Variants in PPIA observed in about 807,000 individuals in gnomAD.
The protein encoded by PPIA is peptidylprolyl isomerase A.
A neutral mutation model predicts 15.3 loss-of-function variants in PPIA; 2 were observed. That is an observed-to-expected ratio of 0.13 (90% confidence interval 0.05 to 0.41). The LOEUF (loss-of-function observed/expected upper bound fraction) is 0.41. Ranked by LOEUF, PPIA falls within the 10% of genes least tolerant of loss-of-function variation. The pLI, the probability that PPIA is intolerant of heterozygous loss-of-function variation, is 0.99. For synonymous variants in PPIA, 67 were observed against 73.1 expected (o/e 0.92, Z 0.43); for missense variants, 103 against 210.3 (o/e 0.49, Z 3.16).
chr7:44,800,493 C>T (rs935588401), intron 4 of PPIA: 9 of 153,832 alleles, frequency 5.9e-5, no homozygotes, highest in Middle Eastern at 1.8e-3. Context: ...AACCTCCTCC[C>T]GGGTTCAAGC....
rs1486842236 is a variant in PPIA, at chr7:44,802,724, G to A, written c.*1302G>A. ...GGTTTTGCAAACCTGACCAATTTAA[G>A]CCATAAGATCTGGTCAAAGGGATAC... On this transcript the variant is annotated 3_prime_UTR_variant, in exon 5 of 5. Transcript: ENST00000468812. 2 of 152,152 alleles carry A rather than the reference G, an allele frequency of 1.3e-5. No homozygotes were observed. Among genetic ancestry groups the A allele is most frequent in the East Asian group, 3.8e-4 (2 of 5,204 alleles). 9.4% of individuals were successfully genotyped at this position (152,152 alleles called of 1,614,324 possible).
intron 4 of PPIA, among the ~76,000 whole-genome samples, chr7:44,800,708 G>T (rs1792526080): frequency 6.6e-6 from 1 of 151,910 alleles, no homozygotes; most frequent in Non-Finnish European, 1.5e-5. Flanking sequence ...CCAATTAAGT[G>T]CTGCTTTTAT....
At position 44,796,696 on chromosome 7, in the gene PPIA, C is replaced by T. The variant is rs553159589; in HGVS notation, c.-29C>T. 7.5e-6 allele frequency: 12 copies of T among 1,607,190 alleles called. No individual in the cohort carries two copies. The highest frequency in any genetic ancestry group is 1.3e-5 in the African/African-American group (1 of 74,458). ...GGCTCGTGCCGTTTTGCAGACGCCA[C>T]CGCCGAGGAAAACCGTGTACTATTA... On this transcript the variant is annotated 5_prime_UTR_variant, in exon 1 of 5. Coordinates refer to ENST00000468812, the MANE Select transcript of PPIA (RefSeq NM_021130.5).
rs747585650 is a variant in PPIA at position 44,801,270 on chromosome 7, T to C, written c.363-17T>C. ...GTTTGTGGTTGCCAGTCATAGTGAT[T>C]GTTCTTCCTTTTCAAGGTTGGATGG... On this transcript the variant is annotated splice_polypyrimidine_tract_variant and intron_variant, in intron 4 of 4. Transcript: ENST00000468812. 1.2e-6 allele frequency: 2 copies of C among 1,612,504 alleles called. No homozygotes were observed. The highest frequency in any genetic ancestry group is 1.7e-6 in the Non-Finnish European group (2 of 1,179,412).
In PPIA at chr7:44,796,735, C is replaced by T; in HGVS notation, c.11C>T (p.Pro4Leu). 6.2e-7 allele frequency: 1 copy of T among 1,610,558 alleles called. No homozygotes were observed. Among genetic ancestry groups the T allele is most frequent in the Non-Finnish European group, 8.5e-7 (1 of 1,178,938 alleles). MVN[P>L]TVFFDIAVDG... Reference sequence around the variant, plus strand: ...CGTGTACTATTAGCCATGGTCAACCCCACCGTGTTCTTCGACATTGCCGTC... The same window carrying T: ...CGTGTACTATTAGCCATGGTCAACCTCACCGTGTTCTTCGACATTGCCGTC... Residue 4 changes from proline (P) to leucine (L), a missense_variant, in exon 1 of 5, where the codon CCC (proline) becomes CTC (leucine). Pro to Leu is a moderately conservative substitution (Grantham distance 98). Coordinates refer to ENST00000468812, the MANE Select transcript of PPIA (RefSeq NM_021130.5).
At position 44,802,851 on chromosome 7, in the gene PPIA, CACCTTAACAG is replaced by C. The variant is rs1792607718; in HGVS notation, c.*1434_*1443del. 1 of 152,196 alleles carries C rather than the reference CACCTTAACAG, an allele frequency of 6.6e-6. No individual in the cohort carries two copies. The highest frequency in any genetic ancestry group is 2.4e-5 in the African/African-American group (1 of 41,460). The allele number at this position is 152,196 out of a possible 1,614,324, so 9.4% of individuals were successfully genotyped here. On this transcript the variant is annotated 3_prime_UTR_variant, in exon 5 of 5. Coordinates refer to ENST00000468812, the MANE Select transcript of PPIA (RefSeq NM_021130.5). Reference sequence around the variant, plus strand: ...AAGCTGAGAAAACCCCTTCTCTGCCCACCTTAACAGACCTCTAGGGTTCTTAACCCAGCAA... The same window carrying C: ...AAGCTGAGAAAACCCCTTCTCTGCCCACCTCTAGGGTTCTTAACCCAGCAA...
chr7:44,798,632 T>G (rs1792454371), intron 1 of PPIA: 1 of 626,516 alleles, frequency 1.6e-6, no homozygotes, highest in South Asian at 7.1e-5. Flanking sequence ...ATGAAAGGGC[T>G]TGTAAATGTT....
chr7:44,799,984 T>A (rs1792497386), intron 4 of PPIA, 110 bp downstream of exon 4: 2 of 1,119,816 alleles, frequency 1.8e-6, no homozygotes, highest in Middle Eastern at 2.2e-4. Context: ...GACTTTTTCA[T>A]CCCTAAGATA....
chr7:44,799,931 G>C, intron 4 of PPIA, 57 bp downstream of exon 4: 1 of 1,550,788 alleles, frequency 6.4e-7, no homozygotes. Flanking sequence ...TGCCCTGGGG[G>C]GAACGGAACA....
intron 3 of PPIA, 65 bp from the exon 4 acceptor site, chr7:44,799,637 C>G (rs1792486040): frequency 6.2e-7 from 1 of 1,604,162 alleles, no homozygotes; most frequent in Non-Finnish European, 8.5e-7. Flanking sequence ...AAGTTTGAAC[C>G]TTGCAGATTT....
rs1478425353 is a variant in PPIA at position 44,796,702 on chromosome 7, A to G, written c.-23A>G. 2 of 1,608,998 alleles carry G rather than the reference A, an allele frequency of 1.2e-6. No individual in the cohort carries two copies. Among genetic ancestry groups the G allele is most frequent in the African/African-American group, 1.3e-5 (1 of 74,510 alleles). On this transcript the variant is annotated 5_prime_UTR_variant, in exon 1 of 5. Transcript: ENST00000468812. ...TGCCGTTTTGCAGACGCCACCGCCG[A>G]GGAAAACCGTGTACTATTAGCCATG...
At chr7:44,799,095 T>A in intron 1 of PPIA, 152 bp from the exon 2 acceptor site, 1 of 1,113,904 alleles carries the variant, frequency 9.0e-7, no homozygotes, top group Non-Finnish European at 1.2e-6. Context: ...TGCAGGGCCT[T>A]ATGGCTGTCA....
rs149284746 is a variant in PPIA, at chr7:44,800,144, A to G, written c.362+270A>G. 1,199 of 455,572 alleles carry G rather than the reference A, an allele frequency of 2.6e-3. 25 individuals carry two copies. In the East Asian group the frequency reaches 0.04, roughly 15 times the overall value. The allele number at this position is 455,572 out of a possible 1,614,324, so 28.2% of individuals were successfully genotyped here. A position where few individuals can be genotyped will look rare whatever the true frequency, so the allele number is the denominator to read the frequency against. ...TTGCTCTGTTGCCAGGTTGGAGTGC[A>G]GTGGCACAATCTGGGCTCACTGCAA... On this transcript the variant is annotated intron_variant, in intron 4 of 4. Transcript: ENST00000468812.
chr7:44,798,923 TG>T (rs976844550), intron 1 of PPIA: 8 of 1,089,774 alleles, frequency 7.3e-6, no homozygotes, highest in Non-Finnish European at 8.9e-6. Flanking sequence ...TAGCTCAAGT[TG>T]GGGGGTGGTG....
chr7:44,801,551 T>G lies in PPIA; in HGVS notation c.*129T>G. ...TCGCTGCAGTTCCCTTTGGGTTCCA[T>G]GTTTTCCTTGTTCCCTCCCATGCCT... On this transcript the variant is annotated 3_prime_UTR_variant, in exon 5 of 5. Transcript: ENST00000468812. 1 of 603,934 alleles carries G rather than the reference T, an allele frequency of 1.7e-6. No individual in the cohort carries two copies. The highest frequency in any genetic ancestry group is 2.9e-6 in the Non-Finnish European group (1 of 345,712). The allele number at this position is 603,934 out of a possible 1,614,324, so 37.4% of individuals were successfully genotyped here.
chr7:44,798,913 T>C lies in PPIA; in HGVS notation c.70-334T>C, dbSNP rs112944308. 1.4e-4 allele frequency: 149 copies of C among 1,079,906 alleles called. 1 individual carries two copies. The African/African-American group carries it at 2.0e-3, about 14-fold the overall frequency. The allele number at this position is 1,079,906 out of a possible 1,614,324, so 66.9% of individuals were successfully genotyped here. ...CCTTAGAATTTTGCCTTGTAAGTTC[T>C]AGCTCAAGTTGGGGGGTGGTGATAG... On this transcript the variant is annotated intron_variant, in intron 1 of 4. Coordinates refer to ENST00000468812, the MANE Select transcript of PPIA (RefSeq NM_021130.5).
rs1248008524 is a variant in PPIA, at chr7:44,802,934, T to G, written c.*1512T>G. ...TGGCGGATTTGATCATTTGGTGTGT[T>G]GGGCAATTTTTGTTTTACTGTCTGG... is the stretch of plus-strand genomic sequence containing the variant. On this transcript the variant is annotated 3_prime_UTR_variant, in exon 5 of 5. Transcript: ENST00000468812. 6.6e-6 allele frequency: 1 copy of G among 152,174 alleles called. No homozygotes were observed. Among genetic ancestry groups the G allele is most frequent in the African/African-American group, 2.4e-5 (1 of 41,444 alleles). The allele number at this position is 152,174 out of a possible 1,614,324, so 9.4% of individuals were successfully genotyped here.
In PPIA at chr7:44,802,606, CT is replaced by C. The variant is rs1448162886; in HGVS notation, c.*1185del. On this transcript the variant is annotated 3_prime_UTR_variant, in exon 5 of 5. Transcript: ENST00000468812. ...GTACTTGGTGCTACAGTCAGTCTCC[CT>C]GCAGAGGGTTAAGGCGCAGACTACC... The C allele has an allele frequency of 1.3e-5, 2 of 152,158 alleles. No individual in the cohort carries two copies. Among genetic ancestry groups the C allele is most frequent in the Non-Finnish European group, 2.9e-5 (2 of 68,038 alleles). 9.4% of individuals were successfully genotyped at this position (152,158 alleles called of 1,614,324 possible).
At chr7:44,797,575 A>G (rs1792413972) in intron 1 of PPIA, among the ~76,000 whole-genome samples, 1 of 152,150 alleles carries the variant, frequency 6.6e-6, no homozygotes, top group Admixed American at 6.5e-5. Flanking sequence ...CCCTCTGCCT[A>G]GCAAGCAAGT....
Sources: gnomAD v4.1 joint callset for allele counts (sites outside exome capture counted in the v4.1 genomes callset) on GRCh38, gnomAD v4.1.1 for gene constraint, MANE v1.5 for transcripts, NCBI Gene and HGNC (gene_info 2026-07-23, HGNC 2026-07-21) for gene names.